ACTG2: variants seen among roughly 807,000 people sequenced by gnomAD.
The protein encoded by ACTG2 is actin, gamma-enteric smooth muscle.
Under a neutral mutation model 37.6 loss-of-function variants are expected in ACTG2, and 16 were observed. The observed-to-expected ratio is 0.43, with a 90% confidence interval of 0.29 to 0.65. The LOEUF (loss-of-function observed/expected upper bound fraction) is 0.65. Ranked by LOEUF, ACTG2 falls within the 30% of genes least tolerant of loss-of-function variation. The pLI, the probability that ACTG2 is intolerant of heterozygous loss-of-function variation, is 0.18. For missense variants in ACTG2, 238 were observed against 490.9 expected (o/e 0.48, Z 4.87); for synonymous variants, 181 against 179.9 (o/e 1.01, Z -0.05).
At chr2:73,909,686 G>A (rs1680087643) in intron 5 of ACTG2, among the ~76,000 whole-genome samples, 1 of 152,132 alleles carries the variant, frequency 6.6e-6, no homozygotes, top group Admixed American at 6.5e-5. Context: ...GAATGGTTAG[G>A]TATTTGTATA....
chr2:73,908,964 C>A, intron 4 of ACTG2, 91 bp from the exon 5 acceptor site: 2 of 1,371,960 alleles, frequency 1.5e-6, no homozygotes, highest in South Asian at 1.2e-5. Flanking sequence ...TGGCATAGTT[C>A]CTGCCCTTAA....
At chr2:73,900,987 T>C (rs1466319389) in intron 1 of ACTG2, among the ~76,000 whole-genome samples, 1 of 152,204 alleles carries the variant, frequency 6.6e-6, no homozygotes. Context: ...CCATATTGCA[T>C]TAATCTCATT....
Position 73,901,288 on chromosome 2 carries a change from C to T in ACTG2, c.-24C>T. The T allele has an allele frequency of 1.3e-6, 2 of 1,553,142 alleles. No individual in the cohort carries two copies. The highest frequency in any genetic ancestry group is 2.4e-5 in the East Asian group (1 of 42,428). ...CGCAAATCCCAAGGTGCTCCAGTCCCCAGCTCACTCAGCCACACACACCAT... is the reference window on the plus strand; with the variant it reads ...CGCAAATCCCAAGGTGCTCCAGTCCTCAGCTCACTCAGCCACACACACCAT... On this transcript the variant is annotated 5_prime_UTR_variant, in exon 2 of 9. Coordinates refer to ENST00000345517, the MANE Select transcript of ACTG2 (RefSeq NM_001615.4).
intron 1 of ACTG2, among the ~76,000 whole-genome samples, chr2:73,897,898 G>T (rs917047338): frequency 2.0e-5 from 3 of 152,198 alleles, no homozygotes; most frequent in Non-Finnish European, 4.4e-5. Flanking sequence ...TTCTTGAGAA[G>T]GACATTAGTC....
At chr2:73,893,733 A>G (rs925930986) in intron 1 of ACTG2, among the ~76,000 whole-genome samples, 1 of 152,144 alleles carries the variant, frequency 6.6e-6, no homozygotes, top group African/African-American at 2.4e-5. Context: ...AGGCCTAGAG[A>G]CGTACAGCCA....
In ACTG2 at chr2:73,914,891, C is replaced by A; in HGVS notation, c.805+20C>A. The A allele has an allele frequency of 6.6e-7, 1 of 1,513,980 alleles. No individual in the cohort carries two copies. The highest frequency in any genetic ancestry group is 1.3e-5 in the South Asian group (1 of 76,402). The allele number at this position is 1,513,980 out of a possible 1,614,324, so 93.8% of individuals were successfully genotyped here. A position where few individuals can be genotyped will look rare whatever the true frequency, so the allele number is the denominator to read the frequency against. Reference sequence around the variant, plus strand: ...TTATTGGTGAGGTGCTGCCCACAGTCCCTGCCAATCTCAGGAGGGGAGGGT... The same window carrying A: ...TTATTGGTGAGGTGCTGCCCACAGTACCTGCCAATCTCAGGAGGGGAGGGT... On this transcript the variant is annotated intron_variant, in intron 7 of 8. Transcript: ENST00000345517.
chr2:73,901,470 A>G (rs759125518), intron 2 of ACTG2, 33 bp downstream of exon 2: 1 of 1,611,874 alleles, frequency 6.2e-7, no homozygotes, highest in Non-Finnish European at 8.5e-7. Context: ...CCAGGCTTTG[A>G]GCCACTAGGA....
chr2:73,918,722 A>G (rs1034224238), intron 8 of ACTG2, among the ~76,000 whole-genome samples: 3 of 152,304 alleles, frequency 2.0e-5, no homozygotes, highest in Admixed American at 6.5e-5. Flanking sequence ...TATAAATTTG[A>G]GGACTTCTGA....
chr2:73,907,422 C>A (rs778920529), intron 3 of ACTG2, among the ~76,000 whole-genome samples: 17 of 152,142 alleles, frequency 1.1e-4, no homozygotes. Flanking sequence ...CCTTTTTGGT[C>A]GTACTTGATC....
intron 1 of ACTG2, among the ~76,000 whole-genome samples, chr2:73,897,752 C>T (rs1307326730): frequency 1.3e-5 from 2 of 152,188 alleles, no homozygotes; most frequent in Non-Finnish European, 2.9e-5. Context: ...GATCAAGGCA[C>T]CAGCAGATTC....
intron 1 of ACTG2, among the ~76,000 whole-genome samples, chr2:73,898,056 G>A (rs1679786995): frequency 6.6e-6 from 1 of 152,160 alleles, no homozygotes; most frequent in Non-Finnish European, 1.5e-5. Flanking sequence ...TCTAGGCGTG[G>A]CCCTGGCACA....
intron 4 of ACTG2, 101 bp from the exon 5 acceptor site, chr2:73,908,954 T>TGGCA: frequency 7.6e-7 from 1 of 1,319,294 alleles, no homozygotes; most frequent in Non-Finnish European, 1.1e-6. Context: ...ACTATCAAAC[T>TGGCA]GGCATAGTTC....
chr2:73,902,021 G>A (rs1679896851), intron 2 of ACTG2, among the ~76,000 whole-genome samples: 1 of 93,440 alleles, frequency 1.1e-5, no homozygotes, highest in African/African-American at 3.7e-5. Context: ...TACAAGTCGT[G>A]TGTGTGTGTG....
chr2:73,902,565 G>A, intron 3 of ACTG2, 77 bp downstream of exon 3: 1 of 1,590,192 alleles, frequency 6.3e-7, no homozygotes, highest in Non-Finnish European at 8.6e-7. Context: ...ATAGGCCACT[G>A]TGCTCTGTCA....
intron 8 of ACTG2, 100 bp downstream of exon 8, chr2:73,916,865 G>T: frequency 7.3e-7 from 1 of 1,363,270 alleles, no homozygotes; most frequent in Non-Finnish European, 9.9e-7. Context: ...TAACTTGCTG[G>T]TCTCCTGGGT....
chr2:73,916,870 C>T (rs1680281623), intron 8 of ACTG2, 105 bp downstream of exon 8: 1 of 1,348,154 alleles, frequency 7.4e-7, no homozygotes, highest in South Asian at 1.4e-5. Flanking sequence ...TGCTGGTCTC[C>T]TGGGTTCAAT....
intron 6 of ACTG2, 68 bp downstream of exon 6, chr2:73,913,714 A>C: frequency 2.2e-6 from 3 of 1,352,538 alleles, no homozygotes; most frequent in East Asian, 2.4e-5. Context: ...AGAAGTTCTC[A>C]GGACCAATGA....
At chr2:73,916,375 A>G (rs988674146) in intron 7 of ACTG2, among the ~76,000 whole-genome samples, 1 of 31,658 alleles carries the variant, frequency 3.2e-5, no homozygotes, top group African/African-American at 6.6e-5. Flanking sequence ...TCCATCTCAG[A>G]AAAAAAAAAA....
chr2:73,909,800 C>G (rs942093660), intron 5 of ACTG2, among the ~76,000 whole-genome samples: 1 of 152,066 alleles, frequency 6.6e-6, no homozygotes, highest in Non-Finnish European at 1.5e-5. Flanking sequence ...GCTTGCAAGA[C>G]TAGAAGTTGC....
Sources: allele counts gnomAD v4.1 joint callset (sites outside exome capture counted in the v4.1 genomes callset), GRCh38; gene constraint gnomAD v4.1.1; transcripts MANE v1.5; gene names NCBI Gene and HGNC (gene_info 2026-07-23, HGNC 2026-07-21).